MAML2: variants seen among roughly 807,000 people sequenced by gnomAD.
MAML2 encodes mastermind-like protein 2.
MAML2 carries 22 observed loss-of-function variants against 96.1 expected under a neutral mutation model. The observed-to-expected ratio is 0.23, with a 90% CI of 0.16 to 0.33. The LOEUF (loss-of-function observed/expected upper bound fraction) is 0.33, where lower values mean the gene tolerates loss of function less well. MAML2 is among the 10% of genes least tolerant of loss of function. The pLI, the probability that MAML2 is intolerant of heterozygous loss-of-function variation, is 1.00. For synonymous variants in MAML2, 561 were observed against 521.3 expected, an observed-to-expected ratio of 1.08 and a Z score of -1.04; for missense variants, 1,367 against 1,392.4, an observed-to-expected ratio of 0.98 and a Z score of 0.29.
chr11:96,100,735 C>CTTTTT (rs66593553), intron 1 of MAML2, among the ~76,000 whole-genome samples: 4 of 136,160 alleles, frequency 2.9e-5, no homozygotes, highest in Non-Finnish European at 4.6e-5. Flanking sequence ...GTCAAAATAG[C>CTTTTT]TTTTTTTTTT....
intron 4 of MAML2, among the ~76,000 whole-genome samples, chr11:95,981,401 G>A (rs534300828): frequency 1.3e-5 from 2 of 152,312 alleles, no homozygotes; most frequent in East Asian, 3.9e-4. Flanking sequence ...AGATGATCAG[G>A]GAGGCCCAGA....
chr11:96,204,303 T>C (rs1017915242), intron 1 of MAML2, among the ~76,000 whole-genome samples: 1 of 152,326 alleles, frequency 6.6e-6, no homozygotes, highest in East Asian at 1.9e-4. Context: ...ACCCCTGTAC[T>C]ATGGAAGGAC....
intron 1 of MAML2, among the ~76,000 whole-genome samples, chr11:96,253,573 T>G (rs1357625586): frequency 1.3e-5 from 2 of 152,208 alleles, no homozygotes; most frequent in Admixed American, 1.3e-4. Flanking sequence ...TGCTGGGATT[T>G]TTGCTGGTAG....
At chr11:96,086,485 TGGGAACA>T (rs1859616459) in intron 2 of MAML2, among the ~76,000 whole-genome samples, 1 of 152,098 alleles carries the variant, frequency 6.6e-6, no homozygotes, top group Non-Finnish European at 1.5e-5. Flanking sequence ...CATTTTAATC[TGGGAACA>T]GAGGTACCAA....
chr11:96,141,522 GTCCAT>G (rs1860729945), intron 1 of MAML2, among the ~76,000 whole-genome samples: 1 of 151,998 alleles, frequency 6.6e-6, no homozygotes, highest in African/African-American at 2.4e-5. Flanking sequence ...TCCCACCAGG[GTCCAT>G]TTAAATGAGG....
At chr11:96,148,120 A>T (rs1436150585) in intron 1 of MAML2, among the ~76,000 whole-genome samples, 1 of 152,180 alleles carries the variant, frequency 6.6e-6, no homozygotes, top group Admixed American at 6.5e-5. Context: ...TCACGTCGGG[A>T]CATGTTAAAA....
At chr11:96,272,710 C>G (rs1419849125) in intron 1 of MAML2, among the ~76,000 whole-genome samples, 1 of 152,156 alleles carries the variant, frequency 6.6e-6, no homozygotes, top group African/African-American at 2.4e-5. Flanking sequence ...CTTTGGAGAC[C>G]TGGAATGCAG....
intron 1 of MAML2, among the ~76,000 whole-genome samples, chr11:96,115,901 C>T (rs1329888585): frequency 6.6e-6 from 1 of 152,176 alleles, no homozygotes; most frequent in Admixed American, 6.5e-5. Flanking sequence ...AGTGTCTATT[C>T]AGGCAATGTT....
intron 1 of MAML2, among the ~76,000 whole-genome samples, chr11:96,317,886 G>A (rs1267160087): frequency 6.6e-6 from 1 of 152,230 alleles, no homozygotes; most frequent in East Asian, 1.9e-4. Context: ...GAAAACATCA[G>A]GTGGCTATTG....
At chr11:96,122,497 GGTGTGTGTGTGTGT>G (rs67940033) in intron 1 of MAML2, among the ~76,000 whole-genome samples, 1 of 135,682 alleles carries the variant, frequency 7.4e-6, no homozygotes, top group African/African-American at 2.6e-5. Flanking sequence ...TTTTAGGCTG[GGTGTGTGTGTGTGT>G]GTGTGTGTGT....
At chr11:96,269,470 T>TG in intron 1 of MAML2, among the ~76,000 whole-genome samples, 1 of 144,744 alleles carries the variant, frequency 6.9e-6, no homozygotes, top group Admixed American at 7.3e-5. Flanking sequence ...TAAGTATATA[T>TG]ATAATCCATT....
intron 1 of MAML2, among the ~76,000 whole-genome samples, chr11:96,294,092 G>C (rs138939855): frequency 6.6e-6 from 1 of 152,144 alleles, no homozygotes; most frequent in Non-Finnish European, 1.5e-5. Flanking sequence ...TTTTTAAACC[G>C]TTCTTCAAAA....
intron 2 of MAML2, among the ~76,000 whole-genome samples, chr11:96,086,417 A>T (rs1859614600): frequency 6.6e-6 from 1 of 152,144 alleles, no homozygotes; most frequent in South Asian, 2.1e-4. Context: ...ACAAAACTCC[A>T]GAAATGTTTG....
At chr11:96,074,511 A>C (rs1337690001) in intron 2 of MAML2, among the ~76,000 whole-genome samples, 1 of 152,240 alleles carries the variant, frequency 6.6e-6, no homozygotes, top group Non-Finnish European at 1.5e-5. Context: ...AATAGATTCT[A>C]TTCTTGGAGA....
intron 2 of MAML2, among the ~76,000 whole-genome samples, chr11:96,073,775 C>T (rs544440176): frequency 2.0e-4 from 31 of 152,266 alleles, no homozygotes; most frequent in South Asian, 6.2e-4. Context: ...GAAGGTGATA[C>T]GGCTCTGGTT....
intron 1 of MAML2, among the ~76,000 whole-genome samples, chr11:96,268,622 T>C (rs1276504647): frequency 3.3e-5 from 5 of 152,200 alleles, no homozygotes; most frequent in Admixed American, 2.0e-4. Context: ...GCATCTTGAA[T>C]TGTAGTTCCC....
intron 1 of MAML2, among the ~76,000 whole-genome samples, chr11:96,179,609 A>G (rs1861451175): frequency 6.6e-6 from 1 of 152,218 alleles, no homozygotes; most frequent in Non-Finnish European, 1.5e-5. Flanking sequence ...AGGTTAGATG[A>G]TATTTCAGAC....
intron 1 of MAML2, among the ~76,000 whole-genome samples, chr11:96,210,267 G>A (rs1290922001): frequency 2.0e-5 from 3 of 151,934 alleles, no homozygotes; most frequent in Non-Finnish European, 4.4e-5. Flanking sequence ...CCGACACCAC[G>A]CCTGGCTAAT....
intron 2 of MAML2, among the ~76,000 whole-genome samples, chr11:96,029,192 A>G (rs1401398412): frequency 6.7e-6 from 1 of 149,702 alleles, no homozygotes; most frequent in East Asian, 1.9e-4. Context: ...ACATCAAATA[A>G]TAATAAAAAA....
Sources: allele counts gnomAD v4.1 joint callset (sites outside exome capture counted in the v4.1 genomes callset), GRCh38; gene constraint gnomAD v4.1.1; transcripts MANE v1.5; gene names NCBI Gene and HGNC (gene_info 2026-07-23, HGNC 2026-07-21).